Variants in SMOC2 observed in about 807,000 individuals in gnomAD.
SMOC2 encodes the protein SPARC related modular calcium binding 2.
A neutral mutation model predicts 61.4 loss-of-function variants in SMOC2; 39 were observed. That is an observed-to-expected ratio of 0.64 (90% CI 0.49 to 0.83). The LOEUF is 0.83. Ranked by LOEUF, SMOC2 falls within the 40% of genes least tolerant of loss-of-function variation. The pLI is 0.00. For synonymous variants in SMOC2, 247 were observed against 239.9 expected, an observed-to-expected ratio of 1.03 and a Z score of -0.27; for missense variants, 556 against 592.9, an observed-to-expected ratio of 0.94 and a Z score of 0.65.
chr6:168,558,844 TATGTGCGCGTGTGC>T (rs1189204890), intron 7 of SMOC2, among the ~76,000 whole-genome samples: 1 of 149,688 alleles, frequency 6.7e-6, no homozygotes, highest in African/African-American at 2.5e-5. Flanking sequence ...TGCACGTGTG[TATGTGCGCGTGTGC>T]GCATGTGTGT....
chr6:168,496,816 T>A (rs1384332846), intron 1 of SMOC2, among the ~76,000 whole-genome samples: 1 of 152,234 alleles, frequency 6.6e-6, no homozygotes, highest in Non-Finnish European at 1.5e-5. Context: ...TTCAGAGGAC[T>A]GTGGGGAGAA....
At chr6:168,566,801 T>C (rs1784554732) in intron 7 of SMOC2, among the ~76,000 whole-genome samples, 1 of 152,166 alleles carries the variant, frequency 6.6e-6, no homozygotes, top group African/African-American at 2.4e-5. Flanking sequence ...GCCCAGCCTA[T>C]TGTAGCACTT....
chr6:168,570,622 C>T (rs1209360540), intron 7 of SMOC2, among the ~76,000 whole-genome samples: 1 of 152,158 alleles, frequency 6.6e-6, no homozygotes, highest in Admixed American at 6.5e-5. Flanking sequence ...AAGTTGGAAG[C>T]ATCTACAATG....
intron 8 of SMOC2, among the ~76,000 whole-genome samples, chr6:168,599,558 CCATACACACCCA>C (rs1785463354): frequency 8.7e-6 from 1 of 114,964 alleles, no homozygotes; most frequent in Non-Finnish European, 1.8e-5. Context: ...ACTCATACCC[CCATACACACCCA>C]CACTCATACC....
chr6:168,556,768 C>G (rs1296029075), intron 7 of SMOC2, among the ~76,000 whole-genome samples: 1 of 121,588 alleles, frequency 8.2e-6, no homozygotes, highest in Non-Finnish European at 1.6e-5. Context: ...ACAGGCCCCG[C>G]TGTGTGATAT....
At chr6:168,620,779 G>A (rs893357554) in intron 9 of SMOC2, among the ~76,000 whole-genome samples, 3 of 152,286 alleles carry the variant, frequency 2.0e-5, no homozygotes, top group South Asian at 4.1e-4. Context: ...TATCCAGGTT[G>A]GATATTGGCC....
chr6:168,572,833 C>G lies in SMOC2; in HGVS notation c.637+23630C>G, dbSNP rs112561562. Among the ~76,000 whole-genome samples the G allele has an allele frequency of 1.8e-4, 8 of 45,182 alleles. 1 individual carries two copies. The highest frequency in any genetic ancestry group is 1.1e-3 in the South Asian group (1 of 936). 29.6% of individuals were successfully genotyped at this position (45,182 alleles called of 152,430 possible). A position where few individuals can be genotyped will look rare whatever the true frequency, so the allele number is the denominator to read the frequency against. On this transcript the variant is annotated intron_variant, in intron 7 of 12. Transcript: ENST00000356284. ...CGGGTGCTGGGACCAGGGCTGCGTGCTCCCTGAACGCGATGTTCATTTCCT... is the reference window on the plus strand; with the variant it reads ...CGGGTGCTGGGACCAGGGCTGCGTGGTCCCTGAACGCGATGTTCATTTCCT...
chr6:168,536,710 C>T (rs1450567038), intron 4 of SMOC2, among the ~76,000 whole-genome samples: 4 of 152,136 alleles, frequency 2.6e-5, no homozygotes, highest in Non-Finnish European at 5.9e-5. Context: ...GCAGTGTGGA[C>T]CTGGGCTGTG....
rs1787247354 is a variant in SMOC2, at chr6:168,653,352, T to A, written c.1285+124T>A. 13 of 1,136,292 alleles carry A rather than the reference T, an allele frequency of 1.1e-5. 1 individual carries two copies. The South Asian group carries it at 1.9e-4, about 17-fold the overall frequency. 70.4% of individuals were successfully genotyped at this position (1,136,292 alleles called of 1,614,324 possible). A position where few individuals can be genotyped will look rare whatever the true frequency, so the allele number is the denominator to read the frequency against. On this transcript the variant is annotated intron_variant, in intron 11 of 12. Coordinates refer to ENST00000356284, the MANE Select transcript of SMOC2 (RefSeq NM_001166412.2). ...TGGGAGTGCAAAAAATCAAATATGC[T>A]GTTTAATTGTTGGGCGTCTGTTTGC...
At chr6:168,564,358 C>T (rs1784495614) in intron 7 of SMOC2, among the ~76,000 whole-genome samples, 3 of 152,130 alleles carry the variant, frequency 2.0e-5, no homozygotes, top group Non-Finnish European at 4.4e-5. Flanking sequence ...AGTCCCCGTA[C>T]AGTACATGAT....
At chr6:168,615,538 G>T (rs1246989862) in intron 9 of SMOC2, among the ~76,000 whole-genome samples, 7 of 111,352 alleles carry the variant, frequency 6.3e-5, no homozygotes, top group Admixed American at 5.4e-4. Context: ...CATACTTACA[G>T]CCGGCACAGG....
intron 1 of SMOC2, among the ~76,000 whole-genome samples, chr6:168,455,707 A>G (rs960171795): frequency 5.3e-5 from 8 of 152,234 alleles, no homozygotes; most frequent in African/African-American, 1.7e-4. Context: ...CACAGAAAGG[A>G]CATAGAATGA....
chr6:168,518,862 T>C, intron 2 of SMOC2, among the ~76,000 whole-genome samples: 1 of 151,778 alleles, frequency 6.6e-6, no homozygotes. Context: ...CCTCCTTGTG[T>C]ATGAATGTAT....
At chr6:168,472,159 C>A (rs543558851) in intron 1 of SMOC2, among the ~76,000 whole-genome samples, 10 of 152,206 alleles carry the variant, frequency 6.6e-5, no homozygotes, top group African/African-American at 2.2e-4. Flanking sequence ...ATGTTTTCTT[C>A]TAGGAATTTT....
chr6:168,610,941 A>T (rs76585920), intron 9 of SMOC2, among the ~76,000 whole-genome samples: 7,008 of 152,258 alleles, frequency 0.046, 407 homozygotes, highest in Admixed American at 0.17. Context: ...CTTAAACCAC[A>T]CCTTCCTAAA....
chr6:168,546,046 G>A (rs1382572206), intron 5 of SMOC2, among the ~76,000 whole-genome samples: 2 of 151,854 alleles, frequency 1.3e-5, no homozygotes, highest in Non-Finnish European at 2.9e-5. Context: ...CTGTTTTTGA[G>A]AGATTGCTCA....
At chr6:168,467,310 G>GTT (rs10717480) in intron 1 of SMOC2, among the ~76,000 whole-genome samples, 1 of 145,876 alleles carries the variant, frequency 6.9e-6, no homozygotes, top group Non-Finnish European at 1.5e-5. Flanking sequence ...CCCTGCTAAG[G>GTT]TTTTTTTTTT....
chr6:168,497,783 A>G (rs2115038729), intron 1 of SMOC2, among the ~76,000 whole-genome samples: 1 of 152,282 alleles, frequency 6.6e-6, no homozygotes, highest in Admixed American at 6.5e-5. Context: ...GTCTCCTTAC[A>G]ACCACGTTTT....
chr6:168,484,955 G>A (rs1220180497), intron 1 of SMOC2, among the ~76,000 whole-genome samples: 5 of 152,190 alleles, frequency 3.3e-5, no homozygotes, highest in Admixed American at 2.6e-4. Context: ...GGGGAAATGG[G>A]GAGGGAGTGT....
Sources: allele counts gnomAD v4.1 joint callset (sites outside exome capture counted in the v4.1 genomes callset), GRCh38; gene constraint gnomAD v4.1.1; transcripts MANE v1.5; gene names NCBI Gene and HGNC (gene_info 2026-07-23, HGNC 2026-07-21).